SH3RF2: variants seen among roughly 807,000 people sequenced by gnomAD.
The protein encoded by SH3RF2 is SH3 domain containing ring finger 2, also known as E3 ubiquitin-protein ligase SH3RF2.
In SH3RF2, 43 loss-of-function variants were observed where a neutral mutation model predicts 59.0. The ratio of observed to expected loss-of-function variants is 0.73; its 90% CI spans 0.57 to 0.94. SH3RF2 has a LOEUF of 0.94. Among genes scored for constraint, SH3RF2 ranks in the 40% least tolerant of loss-of-function variants. SH3RF2 has a pLI of 0.00. For synonymous variants in SH3RF2, 391 were observed against 391.5 expected (o/e 1.00, Z 0.01); for missense variants, 930 against 940.1 (o/e 0.99, Z 0.14).
intron 8 of SH3RF2, among the ~76,000 whole-genome samples, chr5:146,058,537 TA>T (rs1400963238): frequency 6.6e-6 from 1 of 152,226 alleles, no homozygotes; most frequent in African/African-American, 2.4e-5. Flanking sequence ...TCTGGCTTAA[TA>T]AGAAGTCACG....
At chr5:145,952,971 C>G (rs1758250120) in intron 2 of SH3RF2, among the ~76,000 whole-genome samples, 1 of 151,958 alleles carries the variant, frequency 6.6e-6, no homozygotes, top group Non-Finnish European at 1.5e-5. Context: ...AGAGCTGCCC[C>G]CAAAGGCAAA....
At chr5:145,993,807 A>T (rs2190796) in intron 2 of SH3RF2, among the ~76,000 whole-genome samples, 86,588 of 151,898 alleles carry the variant, frequency 0.57, 25,213 homozygotes, top group South Asian at 0.79. Flanking sequence ...TGCCCTGGAG[A>T]CATGTTCCCA....
intron 9 of SH3RF2, among the ~76,000 whole-genome samples, chr5:146,061,570 G>A (rs1022370972): frequency 2.0e-5 from 3 of 152,154 alleles, no homozygotes; most frequent in Non-Finnish European, 4.4e-5. Context: ...TGCATTACAT[G>A]GAAGAAAGAC....
Position 145,981,183 on chromosome 5 carries a change from T to G in SH3RF2, c.379-18875T>G, listed in dbSNP as rs1039652587. Among the ~76,000 whole-genome samples the G allele has an allele frequency of 2.6e-5, 4 of 152,182 alleles. No individual in the cohort carries two copies. The East Asian group carries it at 7.7e-4, about 29-fold the overall frequency. On this transcript the variant is annotated intron_variant, in intron 2 of 9. Coordinates refer to ENST00000359120, the MANE Select transcript of SH3RF2 (RefSeq NM_152550.4). ...GATTATAGCTCACTGCAGCCTTGAC[T>G]TCCTGAGCTCAGGTGATCCTCCCAC...
chr5:145,995,643 A>G (rs1288431404), intron 2 of SH3RF2, among the ~76,000 whole-genome samples: 1 of 152,220 alleles, frequency 6.6e-6, no homozygotes, highest in African/African-American at 2.4e-5. Flanking sequence ...TTATTTTATT[A>G]TAGAAAAGTT....
intron 5 of SH3RF2, among the ~76,000 whole-genome samples, chr5:146,016,101 T>A (rs1176344661): frequency 6.6e-6 from 1 of 152,176 alleles, no homozygotes; most frequent in African/African-American, 2.4e-5. Flanking sequence ...GAATCAAGAC[T>A]TTTAACGTAA....
chr5:146,072,819 G>C (rs935701152), intron 9 of SH3RF2, among the ~76,000 whole-genome samples: 1 of 152,156 alleles, frequency 6.6e-6, no homozygotes, highest in African/African-American at 2.4e-5. Flanking sequence ...TACAGGCCCC[G>C]TGTTTCCCTG....
intron 9 of SH3RF2, 145 bp from the exon 10 acceptor site, chr5:146,062,281 C>T: frequency 9.9e-7 from 1 of 1,014,752 alleles, no homozygotes; most frequent in African/African-American, 1.6e-5. Flanking sequence ...TCTTGTACTT[C>T]CCCCATCTTA....
At chr5:145,949,250 C>G (rs1486551680) in intron 2 of SH3RF2, among the ~76,000 whole-genome samples, 1 of 152,218 alleles carries the variant, frequency 6.6e-6, no homozygotes, top group Non-Finnish European at 1.5e-5. Flanking sequence ...AGAACACCAA[C>G]TGACTGGCAT....
At chr5:146,003,721 T>G (rs78386019) in intron 3 of SH3RF2, among the ~76,000 whole-genome samples, 1 of 152,316 alleles carries the variant, frequency 6.6e-6, no homozygotes, top group East Asian at 1.9e-4. Context: ...AAGCTAAAAG[T>G]GCTTCTCCCT....
intron 2 of SH3RF2, among the ~76,000 whole-genome samples, chr5:145,965,037 T>C (rs1042946341): frequency 6.6e-6 from 1 of 151,742 alleles, no homozygotes; most frequent in African/African-American, 2.4e-5. Context: ...TACTAAAACA[T>C]AAAAAATTAG....
intron 4 of SH3RF2, among the ~76,000 whole-genome samples, chr5:146,012,784 C>T (rs2079534): frequency 0.71 from 108,186 of 152,094 alleles, 40,141 homozygotes; most frequent in African/African-American, 0.93. Flanking sequence ...AATATTATGA[C>T]ATATTGCTTG....
chr5:146,038,626 T>C (rs901532203), intron 5 of SH3RF2, among the ~76,000 whole-genome samples: 2 of 152,228 alleles, frequency 1.3e-5, no homozygotes, highest in Non-Finnish European at 1.5e-5. Context: ...AAGACCTTTA[T>C]TGAGAAAATT....
chr5:146,060,357 C>T lies in SH3RF2; in HGVS notation c.1914+133C>T, dbSNP rs569938465. 26 of 762,580 alleles carry T rather than the reference C, an allele frequency of 3.4e-5. No homozygotes were observed. The Admixed American group carries it at 6.7e-4, about 20-fold the overall frequency. The allele number at this position is 762,580 out of a possible 1,614,324, so 47.2% of individuals were successfully genotyped here. ...CTCGAAAGAATCCTCACACATAACACTCCTCCTCCCCAACTCCCCACTGAG... is the reference window on the plus strand; with the variant it reads ...CTCGAAAGAATCCTCACACATAACATTCCTCCTCCCCAACTCCCCACTGAG... On this transcript the variant is annotated intron_variant, in intron 9 of 9. Coordinates refer to ENST00000359120, the MANE Select transcript of SH3RF2 (RefSeq NM_152550.4).
At chr5:145,993,385 T>G (rs1400597149) in intron 2 of SH3RF2, among the ~76,000 whole-genome samples, 1 of 152,214 alleles carries the variant, frequency 6.6e-6, no homozygotes, top group African/African-American at 2.4e-5. Flanking sequence ...AGTGCCCTAG[T>G]AGGGACTCTG....
At chr5:146,060,505 A>C (rs558810545) in intron 9 of SH3RF2, among the ~76,000 whole-genome samples, 1 of 152,168 alleles carries the variant, frequency 6.6e-6, no homozygotes, top group South Asian at 2.1e-4. Context: ...AAAAAGCATG[A>C]CTTTGGCATT....
Position 145,998,054 on chromosome 5 carries a change from T to C in SH3RF2, c.379-2004T>C, listed in dbSNP as rs941328721. On this transcript the variant is annotated intron_variant, in intron 2 of 9. Transcript: ENST00000359120. ...AGACTACATAGAAAACTACAAGATG[T>C]ATGAAGTTGCAAATAATGATGAAAA... 4.6e-5 allele frequency: 27 copies of C among 588,114 alleles called. No homozygotes were observed. The Admixed American group carries it at 8.4e-4, about 18-fold the overall frequency. The allele number at this position is 588,114 out of a possible 1,614,324, so 36.4% of individuals were successfully genotyped here.
At chr5:145,967,200 T>C (rs897717535) in intron 2 of SH3RF2, among the ~76,000 whole-genome samples, 3 of 152,216 alleles carry the variant, frequency 2.0e-5, no homozygotes, top group Non-Finnish European at 2.9e-5. Flanking sequence ...TTTGGGCAAC[T>C]GCTTCAAAAT....
At chr5:145,939,362 C>G (rs1049197045) in intron 2 of SH3RF2, among the ~76,000 whole-genome samples, 1 of 152,194 alleles carries the variant, frequency 6.6e-6, no homozygotes, top group African/African-American at 2.4e-5. Flanking sequence ...AGAGGAATAA[C>G]GTGTGGGAGG....
Sources: gnomAD v4.1 joint callset for allele counts (sites outside exome capture counted in the v4.1 genomes callset) on GRCh38, gnomAD v4.1.1 for gene constraint, MANE v1.5 for transcripts, NCBI Gene and HGNC (gene_info 2026-07-23, HGNC 2026-07-21) for gene names.